The following PCDHB1 variants were observed in gnomAD, a reference collection of about 807,000 sequenced individuals.
PCDHB1 encodes protocadherin beta 1, also known as protocadherin beta-1.
A neutral mutation model predicts 43.5 loss-of-function variants in PCDHB1; 44 were observed. The observed-to-expected ratio is 1.01, with a 90% CI of 0.79 to 1.30. The LOEUF (loss-of-function observed/expected upper bound fraction) is 1.30, where lower values mean the gene tolerates loss of function less well. Among genes scored for constraint, PCDHB1 ranks in the 50% most tolerant of loss-of-function variants. The pLI, the probability that PCDHB1 is intolerant of heterozygous loss-of-function variation, is 0.00. For synonymous variants in PCDHB1, 392 were observed against 400.8 expected (o/e 0.98, Z 0.26); for missense variants, 919 against 1,008.9 (o/e 0.91, Z 1.21).
rs782655169 is a variant in PCDHB1, at chr5:141,054,225, G to A, written c.*298G>A. The A allele has an allele frequency of 8.5e-5, 24 of 281,312 alleles. No individual in the cohort carries two copies. The highest frequency in any genetic ancestry group is 1.4e-4 in the Admixed American group (3 of 21,546). 17.4% of individuals were successfully genotyped at this position (281,312 alleles called of 1,614,324 possible). ...TAGGAACTTCTGCTTTTCCATCTCT[G>A]TGCTAGCAAGTAATGAATAAGCCAT... On this transcript the variant is annotated 3_prime_UTR_variant, in exon 1 of 1. Coordinates refer to ENST00000306549, the MANE Select transcript of PCDHB1 (RefSeq NM_013340.4).
rs931910219 is a variant in PCDHB1, at chr5:141,053,779, T to C, written c.2309T>C (p.Phe770Ser). 5.6e-6 allele frequency: 9 copies of C among 1,614,080 alleles called. No homozygotes were observed. The Admixed American group carries it at 1.0e-4, about 18-fold the overall frequency. The change falls in exon 1 of 1, where the codon TTT becomes TCT. Residue 770 changes from phenylalanine to serine, a missense_variant. Physicochemically the swap from Phe to Ser is radical, Grantham distance 155. Transcript: ENST00000306549. Reference protein sequence around the residue: ...ATGTGNSEFRFLKRFMPNFPF... With the variant: ...ATGTGNSEFRSLKRFMPNFPF... ...GGCACTGGTAATAGTGAGTTTCGCTTTCTTAAGCGTTTTATGCCCAACTTC... is the reference window on the plus strand; with the variant it reads ...GGCACTGGTAATAGTGAGTTTCGCTCTCTTAAGCGTTTTATGCCCAACTTC...
rs960265608 is a variant in PCDHB1, at chr5:141,054,005, A to C, written c.*78A>C. The C allele has an allele frequency of 8.1e-7, 1 of 1,230,662 alleles. No individual in the cohort carries two copies. Among genetic ancestry groups the C allele is most frequent in the Non-Finnish European group, 1.1e-6 (1 of 876,098 alleles). The allele number at this position is 1,230,662 out of a possible 1,614,324, so 76.2% of individuals were successfully genotyped here. On this transcript the variant is annotated 3_prime_UTR_variant, in exon 1 of 1. Transcript: ENST00000306549. ...TGCAAAGATGTTACATCCTCATTAA[A>C]ACAAAAACTGGTAGTAGATTGCAGC...
Position 141,053,325 on chromosome 5 carries a change from C to CAA in PCDHB1, c.1857_1858dup (p.Arg620LysfsTer10), listed in dbSNP as rs781814624. ...CACTGACCTTGGGTTATTTTCTGTTCAAAGACAAAATGGAGAAATCCATAC... is the reference window on the plus strand; with the variant it reads ...CACTGACCTTGGGTTATTTTCTGTTCAAAAAGACAAAATGGAGAAATCCATAC... On this transcript the variant is annotated frameshift_variant, in exon 1 of 1. Transcript: ENST00000306549. LOFTEE classifies it high-confidence loss of function. 1.9e-6 allele frequency: 3 copies of CAA among 1,614,140 alleles called. No individual in the cohort carries two copies. Among genetic ancestry groups the CAA allele is most frequent in the Non-Finnish European group, 2.5e-6 (3 of 1,180,040 alleles).
In PCDHB1 at chr5:141,051,767, C is replaced by T. The variant is rs782180084; in HGVS notation, c.297C>T (p.Ala99=). The T allele has an allele frequency of 6.2e-7, 1 of 1,614,102 alleles. No homozygotes were observed. The highest frequency in any genetic ancestry group is 1.3e-5 in the African/African-American group (1 of 74,936). The change falls in exon 1 of 1, where the codon GCC becomes GCT. Residue 99 remains alanine (A), a synonymous_variant. Transcript: ENST00000306549. ...KLDRESLCGK[A]DPCVLHFEVV... is the part of the protein sequence containing the mutation. ...ATCGGGAGTCACTTTGTGGCAAAGC[C>T]GACCCTTGTGTTCTGCACTTTGAAG...
In PCDHB1 at chr5:141,056,021, C is replaced by T. The variant is rs1751126306; in HGVS notation, c.*2094C>T. Reference sequence around the variant, plus strand: ...TCAGGGGTGCAGTAAGCTATGATTGCACTTCTGCACTCCAGCCTGGGCAAA... The same window carrying T: ...TCAGGGGTGCAGTAAGCTATGATTGTACTTCTGCACTCCAGCCTGGGCAAA... On this transcript the variant is annotated 3_prime_UTR_variant, in exon 1 of 1. Transcript: ENST00000306549. 6.6e-6 allele frequency: 1 copy of T among 151,472 alleles called. No individual in the cohort carries two copies. Among genetic ancestry groups the T allele is most frequent in the Non-Finnish European group, 1.5e-5 (1 of 67,914 alleles). The allele number at this position is 151,472 out of a possible 1,614,324, so 9.4% of individuals were successfully genotyped here.
rs376341784 is a variant in PCDHB1, at chr5:141,053,776, G to A, written c.2306G>A (p.Arg769His). The A allele has an allele frequency of 1.7e-5, 28 of 1,614,136 alleles. No individual in the cohort carries two copies. The highest frequency in any genetic ancestry group is 6.7e-5 in the Admixed American group (4 of 60,010). Residue 769 changes from arginine (R) to histidine (H), a missense_variant, in exon 1 of 1, where the codon CGC becomes CAC. Physicochemically the swap from Arg to His is conservative, Grantham distance 29. Transcript: ENST00000306549. ...SATGTGNSEF[R>H]FLKRFMPNFP... ...ACTGGCACTGGTAATAGTGAGTTTCGCTTTCTTAAGCGTTTTATGCCCAAC... is the reference window on the plus strand; with the variant it reads ...ACTGGCACTGGTAATAGTGAGTTTCACTTTCTTAAGCGTTTTATGCCCAAC...
At position 141,058,523 on chromosome 5, in the gene PCDHB1, A is replaced by G. The variant is rs1751177963; in HGVS notation, c.*4596A>G. 6.6e-6 allele frequency: 1 copy of G among 152,188 alleles called. No homozygotes were observed. The highest frequency in any genetic ancestry group is 1.5e-5 in the Non-Finnish European group (1 of 68,034). The allele number at this position is 152,188 out of a possible 1,614,324, so 9.4% of individuals were successfully genotyped here. On this transcript the variant is annotated 3_prime_UTR_variant, in exon 1 of 1. Transcript: ENST00000306549. ...TTGTGGTAAAGAACTTATAAAATGT[A>G]CCATGTTAGCCATTTTTAAGTATGT... is the stretch of plus-strand genomic sequence containing the variant.
rs781925938 is a variant in PCDHB1, at chr5:141,052,217, C to A, written c.747C>A (p.Ala249=). 6.2e-7 allele frequency: 1 copy of A among 1,614,132 alleles called. No homozygotes were observed. Among genetic ancestry groups the A allele is most frequent in the Non-Finnish European group, 8.5e-7 (1 of 1,180,028 alleles). Residue 249 remains alanine (A), a synonymous_variant, in exon 1 of 1, where the codon GCC becomes GCA. Coordinates refer to ENST00000306549, the MANE Select transcript of PCDHB1 (RefSeq NM_013340.4). ...VPQFSRLVYR[A]QVSENSPNGS... ...AGTTCTCGCGACTGGTGTACAGAGC[C>A]CAGGTATCAGAGAACAGCCCCAATG...
In PCDHB1 at chr5:141,051,533, G is replaced by A; in HGVS notation, c.63G>A (p.Leu21=). 1.9e-6 allele frequency: 3 copies of A among 1,614,240 alleles called. No individual in the cohort carries two copies. The highest frequency in any genetic ancestry group is 1.1e-5 in the South Asian group (1 of 91,084). Residue 21 remains leucine (L), a synonymous_variant, in exon 1 of 1, where the codon CTG becomes CTA. Coordinates refer to ENST00000306549, the MANE Select transcript of PCDHB1 (RefSeq NM_013340.4). Reference sequence around the variant, plus strand: ...AAGTGGGATCTCTTCTCATTTTTCTGTGCATATCTGTGGGGGATGCGACAA... The same window carrying A: ...AAGTGGGATCTCTTCTCATTTTTCTATGCATATCTGTGGGGGATGCGACAA... ...NRQVGSLLIF[L]CISVGDATTI...
In PCDHB1 at chr5:141,051,470, G is replaced by A; in HGVS notation, c.-1G>A. 1 of 1,613,794 alleles carries A rather than the reference G, an allele frequency of 6.2e-7. No individual in the cohort carries two copies. The highest frequency in any genetic ancestry group is 8.5e-7 in the Non-Finnish European group (1 of 1,179,654). ...TGCAGAGAGCGCGCTTGTGAGAACT[G>A]ATGGCGGGTACGCGCAGAAAATCTT... On this transcript the variant is annotated 5_prime_UTR_variant, in exon 1 of 1. Coordinates refer to ENST00000306549, the MANE Select transcript of PCDHB1 (RefSeq NM_013340.4).
chr5:141,052,191 CA>C lies in PCDHB1; in HGVS notation c.722del (p.Gln241ArgfsTer24). 1 of 1,614,126 alleles carries C rather than the reference CA, an allele frequency of 6.2e-7. No homozygotes were observed. Among genetic ancestry groups the C allele is most frequent in the Non-Finnish European group, 8.5e-7 (1 of 1,180,014 alleles). ...VVLDVNDHVPQFSRLVYRAQV... is the reference protein window; with the variant it reads ...VVLDVNDHVPXFSRLVYRAQV... ...TCTGGATGTCAACGACCACGTGCCC[CA>C]GTTCTCGCGACTGGTGTACAGAGCC... On this transcript the variant is annotated frameshift_variant, in exon 1 of 1. Transcript: ENST00000306549. LOFTEE classifies it high-confidence loss of function.
At position 141,052,485 on chromosome 5, in the gene PCDHB1, G is replaced by T; in HGVS notation, c.1015G>T (p.Asp339Tyr). ...CAGCAAAGTCCTGGTAGAAGTGGTG[G>T]ATGTGAATGACAATCCTCCCGAAGT... ...AHSKVLVEVV[D>Y]VNDNPPEVMV... Residue 339 changes from aspartate (D) to tyrosine (Y), a missense_variant, in exon 1 of 1, where the codon GAT (aspartate) becomes TAT (tyrosine). Coordinates refer to ENST00000306549, the MANE Select transcript of PCDHB1 (RefSeq NM_013340.4). 2 of 1,614,206 alleles carry T rather than the reference G, an allele frequency of 1.2e-6. No homozygotes were observed. Among genetic ancestry groups the T allele is most frequent in the Non-Finnish European group, 8.5e-7 (1 of 1,180,042 alleles).
rs1751148911 is a variant in PCDHB1, at chr5:141,057,123, T to C, written c.*3196T>C. The stretch of plus-strand genomic sequence containing the variant: ...GCAGTGAAATTCATGAATACATATA[T>C]ACACACATACACAATGGACAGAAGA... On this transcript the variant is annotated 3_prime_UTR_variant, in exon 1 of 1. Coordinates refer to ENST00000306549, the MANE Select transcript of PCDHB1 (RefSeq NM_013340.4). 6.6e-6 allele frequency: 1 copy of C among 152,230 alleles called. No individual in the cohort carries two copies. Among genetic ancestry groups the C allele is most frequent in the African/African-American group, 2.4e-5 (1 of 41,472 alleles). 9.4% of individuals were successfully genotyped at this position (152,230 alleles called of 1,614,324 possible). A position where few individuals can be genotyped will look rare whatever the true frequency, so the allele number is the denominator to read the frequency against.
Position 141,052,041 on chromosome 5 carries a change from T to TA in PCDHB1, c.572dup (p.Tyr191Ter), listed in dbSNP as rs782596192. ...HTRFCSHGPK[Y>*]AELVLNKPLD... Reference sequence around the variant, plus strand: ...CCGCTTCTGCAGCCACGGGCCTAAATATGCTGAGCTGGTGCTGAACAAACC... The same window carrying TA: ...CCGCTTCTGCAGCCACGGGCCTAAATAATGCTGAGCTGGTGCTGAACAAACC... Residue 191 changes from tyrosine (Y) to a stop codon, truncating the protein, a stop_gained and frameshift_variant, in exon 1 of 1, where the codon TAT becomes TAAT. Coordinates refer to ENST00000306549, the MANE Select transcript of PCDHB1 (RefSeq NM_013340.4). LOFTEE classifies it high-confidence loss of function. The TA allele has an allele frequency of 6.2e-7, 1 of 1,613,988 alleles. No individual in the cohort carries two copies. The highest frequency in any genetic ancestry group is 1.3e-5 in the African/African-American group (1 of 74,912).
chr5:141,052,895 T>G lies in PCDHB1; in HGVS notation c.1425T>G (p.His475Gln). 6.2e-7 allele frequency: 1 copy of G among 1,614,230 alleles called. No homozygotes were observed. The highest frequency in any genetic ancestry group is 1.1e-5 in the South Asian group (1 of 91,084). The change falls in exon 1 of 1, where the codon CAT becomes CAG. Residue 475 changes from histidine (H) to glutamine (Q), a missense_variant. Transcript: ENST00000306549. ...CTGCGGTTTTTATTGGCAAAGTCCA[T>G]GCTGAGGATCTTGATTTGGGTGAGA... ...NSPAVFIGKV[H>Q]AEDLDLGENA...
rs782747744 is a variant in PCDHB1 at position 141,051,724 on chromosome 5, T to C, written c.254T>C (p.Phe85Ser). Residue 85 changes from phenylalanine (F) to serine (S), a missense_variant, in exon 1 of 1, where the codon TTT (phenylalanine) becomes TCT (serine). Phe to Ser is a radical substitution (Grantham distance 155). Coordinates refer to ENST00000306549, the MANE Select transcript of PCDHB1 (RefSeq NM_013340.4). ...FRLHRKTGDL[F>S]VKEKLDRESL... is the part of the protein sequence containing the mutation. ...CTCCACCGCAAGACGGGAGATTTGT[T>C]TGTGAAGGAGAAACTGGATCGGGAG... is the stretch of plus-strand genomic sequence containing the variant. 8.7e-5 allele frequency: 140 copies of C among 1,614,230 alleles called. 1 individual carries two copies. In the South Asian group the frequency reaches 1.5e-3, roughly 17 times the overall value.
rs782433073 is a variant in PCDHB1, at chr5:141,052,343, GT to G, written c.876del (p.Gln293ArgfsTer11). 5 of 1,614,232 alleles carry G rather than the reference GT, an allele frequency of 3.1e-6. No individual in the cohort carries two copies. The African/African-American group carries it at 6.7e-5, about 22-fold the overall frequency. Reference sequence around the variant, plus strand: ...AAAACCCAGAAGCAATTCTCAAGACGTTTCAGATTGACCCTCAAAATGGAGA... The same window carrying G: ...AAAACCCAGAAGCAATTCTCAAGACGTTCAGATTGACCCTCAAAATGGAGA... Reference protein sequence around the residue: ...AQNPEAILKTFQIDPQNGEVR... With the variant: ...AQNPEAILKTXQIDPQNGEVR... On this transcript the variant is annotated frameshift_variant, in exon 1 of 1. Transcript: ENST00000306549. LOFTEE classifies it high-confidence loss of function.
rs1554267329 is a variant in PCDHB1, at chr5:141,052,871, T to C, written c.1401T>C (p.Pro467=). The change falls in exon 1 of 1, where the codon CCT becomes CCC. Residue 467 remains proline, a synonymous_variant. Coordinates refer to ENST00000306549, the MANE Select transcript of PCDHB1 (RefSeq NM_013340.4). ...YILTVRENNS[P]AVFIGKVHAE... ...TGACTGTTCGAGAAAACAACAGTCC[T>C]GCGGTTTTTATTGGCAAAGTCCATG... The C allele has an allele frequency of 6.2e-7, 1 of 1,614,214 alleles. No individual in the cohort carries two copies. The highest frequency in any genetic ancestry group is 1.1e-5 in the South Asian group (1 of 91,078).
In PCDHB1 at chr5:141,052,165, T is replaced by C; in HGVS notation, c.695T>C (p.Val232Ala). The C allele has an allele frequency of 1.9e-6, 3 of 1,613,872 alleles. No homozygotes were observed. The highest frequency in any genetic ancestry group is 2.5e-6 in the Non-Finnish European group (3 of 1,179,922). The change falls in exon 1 of 1, where the codon GTT (valine) becomes GCT (alanine). Residue 232 changes from valine (V) to alanine (A), a missense_variant. Val to Ala is a moderately conservative substitution (Grantham distance 64, BLOSUM62 0). Coordinates refer to ENST00000306549, the MANE Select transcript of PCDHB1 (RefSeq NM_013340.4). ...KSGTAHIHVV[V>A]LDVNDHVPQF... ...GGCACAGCTCACATCCACGTGGTGG[T>C]TCTGGATGTCAACGACCACGTGCCC...
Sources: allele counts gnomAD v4.1 joint callset, GRCh38; gene constraint gnomAD v4.1.1; transcripts MANE v1.5; gene names NCBI Gene and HGNC (gene_info 2026-07-23, HGNC 2026-07-21).